SEMA3A: variants seen among roughly 807,000 people sequenced by gnomAD.
The protein encoded by SEMA3A is semaphorin-3A.
SEMA3A carries 29 observed loss-of-function variants against 97.9 expected under a neutral mutation model. That is an observed-to-expected ratio of 0.30 (90% CI 0.22 to 0.40). The LOEUF (loss-of-function observed/expected upper bound fraction) is 0.40. SEMA3A is among the 10% of genes least tolerant of loss of function. SEMA3A has a pLI of 1.00. For synonymous variants in SEMA3A, 321 were observed against 323.7 expected, an observed-to-expected ratio of 0.99 and a Z score of 0.09; for missense variants, 763 against 951.3, an observed-to-expected ratio of 0.80 and a Z score of 2.60.
Position 84,062,216 on chromosome 7 carries a change from CAT to C in SEMA3A, c.454-1660_454-1659del, listed in dbSNP as rs560125639. Among the ~76,000 whole-genome samples, 22 of 152,274 alleles carry C rather than the reference CAT, an allele frequency of 1.4e-4. No homozygotes were observed. In the South Asian group the frequency reaches 3.7e-3, roughly 26 times the overall value. ...TTGCCATTATTTTCAACTTTCCTAA[CAT>C]AGTGTCAAAGAAATATTACATTGAG... On this transcript the variant is annotated intron_variant, in intron 4 of 16. Transcript: ENST00000265362.
intron 14 of SEMA3A, among the ~76,000 whole-genome samples, chr7:83,977,989 G>A (rs747644440): frequency 1.3e-5 from 2 of 151,832 alleles, no homozygotes; most frequent in Non-Finnish European, 2.9e-5. Context: ...ATTTTTAATA[G>A]AGACGGGATT....
intron 12 of SEMA3A, among the ~76,000 whole-genome samples, chr7:83,992,958 T>A (rs1014991375): frequency 7.9e-5 from 5 of 63,188 alleles, no homozygotes; most frequent in African/African-American, 2.6e-4. Context: ...AGTCTAAGTC[T>A]CTTTGTAGTC....
rs1370365337 is a variant in SEMA3A, at chr7:83,958,139, A to G, written c.*3232T>C. 2 of 152,114 alleles carry G rather than the reference A, an allele frequency of 1.3e-5. No individual in the cohort carries two copies. Among genetic ancestry groups the G allele is most frequent in the Non-Finnish European group, 2.9e-5 (2 of 67,944 alleles). The allele number at this position is 152,114 out of a possible 1,614,324, so 9.4% of individuals were successfully genotyped here. ...TCCCTACATTTCCTTTTTAGGTATG[A>G]CATTAAAAAGAACAATACTTAATTT... On this transcript the variant is annotated 3_prime_UTR_variant, in exon 17 of 17. Transcript: ENST00000265362.
In SEMA3A at chr7:84,262,692, G is replaced by A. The variant is rs566314934; in HGVS notation, c.-83+44515C>T. On this transcript the variant is annotated intron_variant, in intron 3 of 3. Transcript: ENST00000424555. ...TTATAGATATATGGGTGACAAAAAA[G>A]CTTTCTTAGAAATATAATCAGTAGA... Among the ~76,000 whole-genome samples the A allele has an allele frequency of 7.8e-4, 119 of 152,242 alleles. 1 individual carries two copies. Among genetic ancestry groups the A allele is most frequent in the African/African-American group, 2.7e-3 (114 of 41,548 alleles).
chr7:84,256,910 A>G (rs531380042), intron 3 of SEMA3A, among the ~76,000 whole-genome samples: 1 of 152,186 alleles, frequency 6.6e-6, no homozygotes, highest in South Asian at 2.1e-4. Flanking sequence ...TGAAGCAATA[A>G]TGGATGCTGG....
chr7:83,981,688 A>G (rs902319777), intron 13 of SEMA3A, among the ~76,000 whole-genome samples: 1 of 152,246 alleles, frequency 6.6e-6, no homozygotes, highest in East Asian at 1.9e-4. Flanking sequence ...TTTGACTGAA[A>G]CAAGTGTCTT....
chr7:84,276,851 A>T (rs951189341), intron 3 of SEMA3A, among the ~76,000 whole-genome samples: 1 of 152,278 alleles, frequency 6.6e-6, no homozygotes, highest in African/African-American at 2.4e-5. Flanking sequence ...TGAAAGATTC[A>T]ATTTATGAAA....
chr7:84,305,948 A>G (rs1244396245), intron 3 of SEMA3A, among the ~76,000 whole-genome samples: 1 of 151,612 alleles, frequency 6.6e-6, no homozygotes, highest in East Asian at 1.9e-4. Flanking sequence ...GTATTAATTT[A>G]TATATACATG....
chr7:84,203,656 C>T (rs1798415574), intron 3 of SEMA3A, among the ~76,000 whole-genome samples: 1 of 150,084 alleles, frequency 6.7e-6, no homozygotes, highest in African/African-American at 2.5e-5. Context: ...CTCAGCCTCC[C>T]AAGTAGCAGG....
chr7:84,052,550 T>C (rs924498793), intron 5 of SEMA3A, among the ~76,000 whole-genome samples: 30 of 152,124 alleles, frequency 2.0e-4, no homozygotes, highest in Admixed American at 3.9e-4. Context: ...GTGGGATCGG[T>C]GGTGATATCC....
At chr7:84,374,134 C>T (rs1803042792) in intron 1 of SEMA3A, among the ~76,000 whole-genome samples, 1 of 152,144 alleles carries the variant, frequency 6.6e-6, no homozygotes, top group Non-Finnish European at 1.5e-5. Flanking sequence ...GAATGAAACT[C>T]ATGCAAACTT....
intron 3 of SEMA3A, among the ~76,000 whole-genome samples, chr7:84,211,985 A>G (rs1274930502): frequency 6.6e-6 from 1 of 152,220 alleles, no homozygotes; most frequent in South Asian, 2.1e-4. Context: ...GGGGAAAGTA[A>G]TGTCATGCAT....
intron 1 of SEMA3A, among the ~76,000 whole-genome samples, chr7:84,479,063 A>G (rs1313324359): frequency 6.6e-6 from 1 of 152,164 alleles, no homozygotes; most frequent in African/African-American, 2.4e-5. Context: ...TAACTATAAA[A>G]CAATTAGGTC....
chr7:84,127,624 T>C (rs989701538), intron 3 of SEMA3A, among the ~76,000 whole-genome samples: 2 of 152,190 alleles, frequency 1.3e-5, no homozygotes, highest in African/African-American at 4.8e-5. Flanking sequence ...TGTACAGGTA[T>C]TAAGGATGGG....
intron 3 of SEMA3A, among the ~76,000 whole-genome samples, chr7:84,301,205 A>G (rs1801009446): frequency 6.6e-6 from 1 of 152,120 alleles, no homozygotes; most frequent in South Asian, 2.1e-4. Context: ...CTAGTACTCA[A>G]TAGCACAAGT....
intron 2 of SEMA3A, among the ~76,000 whole-genome samples, chr7:84,349,658 C>T (rs1171483141): frequency 2.6e-5 from 4 of 152,178 alleles, no homozygotes; most frequent in African/African-American, 9.7e-5. Flanking sequence ...GTCCCCCCTA[C>T]TGCAACTGGC....
intron 1 of SEMA3A, among the ~76,000 whole-genome samples, chr7:84,420,534 C>A (rs578066117): frequency 9.2e-5 from 14 of 151,914 alleles, no homozygotes; most frequent in African/African-American, 3.4e-4. Flanking sequence ...ATAAAGTGAA[C>A]CAAGTGACCT....
At chr7:84,403,027 T>C (rs1803951441) in intron 1 of SEMA3A, among the ~76,000 whole-genome samples, 2 of 152,112 alleles carry the variant, frequency 1.3e-5, no homozygotes, top group African/African-American at 4.8e-5. Flanking sequence ...TTCATCTCAC[T>C]GGGGAGTGCC....
intron 1 of SEMA3A, among the ~76,000 whole-genome samples, chr7:84,412,016 T>C (rs1406874162): frequency 6.6e-6 from 1 of 152,008 alleles, no homozygotes; most frequent in Non-Finnish European, 1.5e-5. Context: ...CACTTCTTGC[T>C]TTCTTTCCTA....
Sources: allele counts gnomAD v4.1 joint callset (sites outside exome capture counted in the v4.1 genomes callset), GRCh38; gene constraint gnomAD v4.1.1; transcripts MANE v1.5; gene names NCBI Gene and HGNC (gene_info 2026-07-23, HGNC 2026-07-21).